Variants in CTNNBL1 observed in about 807,000 individuals in gnomAD.
The protein encoded by CTNNBL1 is beta-catenin-like protein 1.
Under a neutral mutation model 72.7 loss-of-function variants are expected in CTNNBL1, and 31 were observed. The ratio of observed to expected loss-of-function variants is 0.43; its 90% CI spans 0.32 to 0.58. The LOEUF (loss-of-function observed/expected upper bound fraction) is 0.58, where lower values mean the gene tolerates loss of function less well. Among genes scored for constraint, CTNNBL1 ranks in the 20% least tolerant of loss-of-function variants. The pLI is 0.08. For missense variants in CTNNBL1, 534 were observed against 725.1 expected (o/e 0.74, Z 3.03); for synonymous variants, 240 against 267.3 (o/e 0.90, Z 1.00).
chr20:37,745,088 A>G (rs773030004), intron 3 of CTNNBL1, among the ~76,000 whole-genome samples: 2 of 152,244 alleles, frequency 1.3e-5, no homozygotes, highest in African/African-American at 4.8e-5. Flanking sequence ...GGTTTTCTAC[A>G]AAAAGTATAC....
chr20:37,868,268 C>T (rs1022661862), intron 15 of CTNNBL1, among the ~76,000 whole-genome samples: 3 of 143,904 alleles, frequency 2.1e-5, no homozygotes, highest in African/African-American at 7.8e-5. Flanking sequence ...GAGGACCGGC[C>T]CCCTCCCAGT....
At chr20:37,800,425 C>G (rs2097088753) in intron 10 of CTNNBL1, among the ~76,000 whole-genome samples, 1 of 152,340 alleles carries the variant, frequency 6.6e-6, no homozygotes, top group Admixed American at 6.5e-5. Context: ...TGCCCTACCA[C>G]TGCTCTCTGG....
intron 13 of CTNNBL1, among the ~76,000 whole-genome samples, chr20:37,848,681 T>A (rs1255324920): frequency 6.6e-6 from 1 of 152,146 alleles, no homozygotes; most frequent in Non-Finnish European, 1.5e-5. Context: ...GGAAGAGAAG[T>A]CAGAGGACCT....
At chr20:37,733,090 G>T (rs1433436682) in intron 2 of CTNNBL1, 23 bp downstream of exon 2, 1 of 1,605,804 alleles carries the variant, frequency 6.2e-7, no homozygotes, top group Non-Finnish European at 8.5e-7. Context: ...CGCTGGGTGG[G>T]AGCTGAGATG....
chr20:37,809,300 A>G (rs914036709), intron 11 of CTNNBL1, among the ~76,000 whole-genome samples: 2 of 152,230 alleles, frequency 1.3e-5, no homozygotes, highest in Non-Finnish European at 2.9e-5. Flanking sequence ...AGAGGAAGAC[A>G]CTTCTGGTGG....
intron 13 of CTNNBL1, among the ~76,000 whole-genome samples, chr20:37,857,992 G>A (rs1269833514): frequency 6.6e-6 from 1 of 152,174 alleles, no homozygotes; most frequent in African/African-American, 2.4e-5. Context: ...GGAGCTCAAA[G>A]AACAGCCGAG....
chr20:37,844,652 T>C (rs1188920973), intron 13 of CTNNBL1, among the ~76,000 whole-genome samples: 1 of 152,150 alleles, frequency 6.6e-6, no homozygotes, highest in Non-Finnish European at 1.5e-5. Flanking sequence ...GGCTCACACC[T>C]GAACTTTGGG....
chr20:37,820,298 C>T (rs1191590977), intron 11 of CTNNBL1, among the ~76,000 whole-genome samples: 4 of 152,174 alleles, frequency 2.6e-5, no homozygotes, highest in Non-Finnish European at 5.9e-5. Flanking sequence ...AACATAATAA[C>T]ATAAGTAAGG....
intron 11 of CTNNBL1, among the ~76,000 whole-genome samples, chr20:37,829,035 G>T (rs888029564): frequency 6.6e-6 from 1 of 152,120 alleles, no homozygotes; most frequent in Non-Finnish European, 1.5e-5. Flanking sequence ...AGTCAAGATC[G>T]ATCTAGTTAG....
intron 6 of CTNNBL1, among the ~76,000 whole-genome samples, chr20:37,766,519 G>C (rs564483496): frequency 1.2e-4 from 19 of 152,172 alleles, no homozygotes; most frequent in Non-Finnish European, 2.4e-4. Context: ...GGTGACAGAC[G>C]GTATCGTAGG....
At chr20:37,848,358 G>A (rs1322032748) in intron 13 of CTNNBL1, among the ~76,000 whole-genome samples, 1 of 151,964 alleles carries the variant, frequency 6.6e-6, no homozygotes, top group African/African-American at 2.4e-5. Context: ...GTCTTGCTAT[G>A]TTGCCCAGGG....
In CTNNBL1 at chr20:37,804,214, GT is replaced by G. The variant is rs2071932023; in HGVS notation, c.1213+1167del. ...CACTAGCTATAAATATGTTAACCCC[GT>G]GCTAGATTTTCCCCACTGAAAATTC... On this transcript the variant is annotated intron_variant, in intron 11 of 15. Coordinates refer to ENST00000361383, the MANE Select transcript of CTNNBL1 (RefSeq NM_030877.5). Among the ~76,000 whole-genome samples the G allele has an allele frequency of 2.6e-5, 4 of 152,236 alleles. No homozygotes were observed. The South Asian group carries it at 8.3e-4, about 32-fold the overall frequency.
intron 7 of CTNNBL1, among the ~76,000 whole-genome samples, chr20:37,768,803 C>T (rs2073495840): frequency 6.6e-6 from 1 of 151,968 alleles, no homozygotes; most frequent in South Asian, 2.1e-4. Flanking sequence ...GAAACTGAGT[C>T]TCACTCACTC....
Position 37,872,076 on chromosome 20 carries a change from C to A in CTNNBL1, c.*63C>A. On this transcript the variant is annotated 3_prime_UTR_variant, in exon 16 of 16. Coordinates refer to ENST00000361383, the MANE Select transcript of CTNNBL1 (RefSeq NM_030877.5). ...TTCCCTCCCAGGATCAGTTTCTACA[C>A]AACTCTGTGTGGCTTTTGGACAAAT... is the stretch of plus-strand genomic sequence containing the variant. 7.2e-7 allele frequency: 1 copy of A among 1,393,050 alleles called. No homozygotes were observed. Among genetic ancestry groups the A allele is most frequent in the Non-Finnish European group, 1.0e-6 (1 of 979,432 alleles). 86.3% of individuals were successfully genotyped at this position (1,393,050 alleles called of 1,614,324 possible). A position where few individuals can be genotyped will look rare whatever the true frequency, so the allele number is the denominator to read the frequency against.
intron 7 of CTNNBL1, 146 bp from the exon 8 acceptor site, chr20:37,777,199 A>G (rs898181433): frequency 1.6e-6 from 1 of 622,118 alleles, no homozygotes; most frequent in African/African-American, 1.8e-5. Context: ...TTGAGAGCAG[A>G]GGCAGACGTT....
At chr20:37,782,262 AC>A (rs2073632708) in intron 10 of CTNNBL1, among the ~76,000 whole-genome samples, 1 of 152,162 alleles carries the variant, frequency 6.6e-6, no homozygotes, top group South Asian at 2.1e-4. Flanking sequence ...CTTCAGGAGA[AC>A]AGTTACTTTT....
At chr20:37,787,237 T>A (rs1485350253) in intron 10 of CTNNBL1, among the ~76,000 whole-genome samples, 1 of 152,054 alleles carries the variant, frequency 6.6e-6, no homozygotes, top group Admixed American at 6.5e-5. Flanking sequence ...TGGGATATGA[T>A]GATCCTTCCA....
intron 1 of CTNNBL1, among the ~76,000 whole-genome samples, chr20:37,715,222 T>G (rs1025802299): frequency 6.6e-6 from 1 of 152,228 alleles, no homozygotes; most frequent in Non-Finnish European, 1.5e-5. Context: ...GCCTTAGGCA[T>G]AGACTGACGG....
At position 37,801,127 on chromosome 20, in the gene CTNNBL1, C is replaced by T. The variant is rs1010325075; in HGVS notation, c.1032-1740C>T. Among the ~76,000 whole-genome samples, 45 of 152,304 alleles carry T rather than the reference C, an allele frequency of 3.0e-4. 1 individual carries two copies. The highest frequency in any genetic ancestry group is 3.4e-3 in the Middle Eastern group (1 of 294). ...AATGTAAATTGCTTGAGAACTGGGACGCAATCTTTCCCAATCATGTGAGAG... is the reference window on the plus strand; with the variant it reads ...AATGTAAATTGCTTGAGAACTGGGATGCAATCTTTCCCAATCATGTGAGAG... On this transcript the variant is annotated intron_variant, in intron 10 of 15. Transcript: ENST00000361383.
Sources: allele counts gnomAD v4.1 joint callset (sites outside exome capture counted in the v4.1 genomes callset), GRCh38; gene constraint gnomAD v4.1.1; transcripts MANE v1.5; gene names NCBI Gene and HGNC (gene_info 2026-07-23, HGNC 2026-07-21).